The following TMEM131L variants were observed in gnomAD, a reference collection of about 807,000 sequenced individuals.
TMEM131L encodes the protein transmembrane protein 131-like.
Under a neutral mutation model 192.2 loss-of-function variants are expected in TMEM131L, and 54 were observed. That is an observed-to-expected ratio of 0.28 (90% CI 0.23 to 0.35). The LOEUF (loss-of-function observed/expected upper bound fraction) is 0.35. TMEM131L is among the 10% of genes least tolerant of loss of function. The pLI is 1.00. For missense variants in TMEM131L, 1,888 were observed against 1,972.9 expected (o/e 0.96, Z 0.82); for synonymous variants, 701 against 704.9 (o/e 0.99, Z 0.09).
intron 20 of TMEM131L, 132 bp from the exon 21 acceptor site, chr4:153,598,458 A>T: frequency 2.5e-6 from 2 of 814,772 alleles, no homozygotes; most frequent in Non-Finnish European, 3.8e-6. Context: ...ACACTATTTA[A>T]ATTGATTTTC....
intron 30 of TMEM131L, among the ~76,000 whole-genome samples, chr4:153,626,752 G>A (rs1203682974): frequency 2.0e-5 from 3 of 152,190 alleles, no homozygotes; most frequent in East Asian, 1.9e-4. Context: ...GTAACAGAGC[G>A]AGATCCTGTC....
At chr4:153,490,238 A>T (rs1297081803) in intron 3 of TMEM131L, among the ~76,000 whole-genome samples, 1 of 152,210 alleles carries the variant, frequency 6.6e-6, no homozygotes, top group Non-Finnish European at 1.5e-5. Context: ...TGTTAGTTTG[A>T]CTTTCAGGTA....
chr4:153,610,517 T>A (rs1732538864), intron 25 of TMEM131L, among the ~76,000 whole-genome samples: 1 of 152,230 alleles, frequency 6.6e-6, no homozygotes, highest in South Asian at 2.1e-4. Context: ...ACCTAATATG[T>A]CCTGGTTGTA....
chr4:153,511,671 A>G (rs1270184716), intron 3 of TMEM131L, among the ~76,000 whole-genome samples: 1 of 152,162 alleles, frequency 6.6e-6, no homozygotes, highest in Non-Finnish European at 1.5e-5. Flanking sequence ...TTCCATCTAT[A>G]TATGTATATG....
intron 9 of TMEM131L, 128 bp from the exon 10 acceptor site, chr4:153,583,060 CAA>C (rs2150753456): frequency 1.7e-6 from 1 of 576,620 alleles, no homozygotes; most frequent in East Asian, 3.2e-5. Context: ...TTTTGAGAAA[CAA>C]GTTAACATTT....
At chr4:153,528,779 T>C (rs1364796362) in intron 3 of TMEM131L, among the ~76,000 whole-genome samples, 2 of 152,138 alleles carry the variant, frequency 1.3e-5, no homozygotes, top group Admixed American at 1.3e-4. Flanking sequence ...AGGGATTTGG[T>C]TGGGGGTGGG....
intron 3 of TMEM131L, among the ~76,000 whole-genome samples, chr4:153,517,706 A>G (rs567780981): frequency 6.6e-6 from 1 of 152,346 alleles, no homozygotes; most frequent in South Asian, 2.1e-4. Context: ...AGTGAAAGAA[A>G]GACTCTTGGA....
intron 3 of TMEM131L, among the ~76,000 whole-genome samples, chr4:153,521,849 A>G (rs918058495): frequency 2.3e-5 from 3 of 130,350 alleles, no homozygotes; most frequent in African/African-American, 8.8e-5. Context: ...ATGTTGTTGC[A>G]TGTGTTTTCT....
At chr4:153,500,221 C>T (rs1733499169) in intron 3 of TMEM131L, among the ~76,000 whole-genome samples, 1 of 152,132 alleles carries the variant, frequency 6.6e-6, no homozygotes. Context: ...CTGCCTCAGC[C>T]TCCCATATAG....
intron 3 of TMEM131L, among the ~76,000 whole-genome samples, chr4:153,529,646 A>G (rs1331715684): frequency 1.3e-5 from 2 of 152,198 alleles, no homozygotes; most frequent in African/African-American, 2.4e-5. Context: ...ACAAGGGAAA[A>G]TAAATTTTAA....
rs763601600 is a variant in TMEM131L at position 153,556,957 on chromosome 4, T to A, written c.433-9T>A. On this transcript the variant is annotated splice_polypyrimidine_tract_variant and intron_variant, in intron 5 of 34. Coordinates refer to ENST00000409959, the MANE Select transcript of TMEM131L (RefSeq NM_001131007.2). ...ATTCCAAGTGGCTGACTGGGGACCT[T>A]TCTTTCAGGTAATTCCAGCAATGGG... is the stretch of plus-strand genomic sequence containing the variant. The A allele has an allele frequency of 2.1e-6, 3 of 1,421,212 alleles. No individual in the cohort carries two copies. Among genetic ancestry groups the A allele is most frequent in the Non-Finnish European group, 3.0e-6 (3 of 1,011,756 alleles). 88.0% of individuals were successfully genotyped at this position (1,421,212 alleles called of 1,614,324 possible). A position where few individuals can be genotyped will look rare whatever the true frequency, so the allele number is the denominator to read the frequency against.
chr4:153,488,845 C>T (rs938139409), intron 3 of TMEM131L, among the ~76,000 whole-genome samples: 2 of 152,170 alleles, frequency 1.3e-5, no homozygotes, highest in South Asian at 2.1e-4. Context: ...CTAGCTTCTG[C>T]GGGCTCGCCG....
chr4:153,606,004 C>T (rs903873369), intron 25 of TMEM131L, among the ~76,000 whole-genome samples: 2 of 152,186 alleles, frequency 1.3e-5, no homozygotes, highest in African/African-American at 4.8e-5. Flanking sequence ...CTTATGTCTG[C>T]AGGGTGGACA....
At chr4:153,491,972 T>C (rs1732819555) in intron 3 of TMEM131L, among the ~76,000 whole-genome samples, 2 of 152,118 alleles carry the variant, frequency 1.3e-5, no homozygotes, top group Admixed American at 6.5e-5. Context: ...AGTGTTGGGA[T>C]TGTAGGCAGG....
chr4:153,551,266 C>T (rs935279667), intron 4 of TMEM131L, among the ~76,000 whole-genome samples: 7 of 152,136 alleles, frequency 4.6e-5, no homozygotes, highest in African/African-American at 1.7e-4. Flanking sequence ...AGGGTGGGCT[C>T]CTGGTGTGCC....
chr4:153,494,069 CTG>C (rs1732987912), intron 3 of TMEM131L, among the ~76,000 whole-genome samples: 1 of 151,936 alleles, frequency 6.6e-6, no homozygotes, highest in African/African-American at 2.4e-5. Context: ...AATCCTATCT[CTG>C]TGGCTTTCCA....
rs1417187716 is a variant in TMEM131L, at chr4:153,602,177, A to G, written c.2292A>G (p.Leu764=). The G allele has an allele frequency of 6.2e-7, 1 of 1,600,172 alleles. No homozygotes were observed. Among genetic ancestry groups the G allele is most frequent in the African/African-American group, 1.3e-5 (1 of 74,280 alleles). ...RRQLKDSKQI[L]SITKNFKVEN... is the part of the protein sequence containing the mutation. Reference sequence around the variant, plus strand: ...AACTGAAAGACAGTAAGCAAATTTTATCTATTACAAAGAACTTTAAAGTTG... The same window carrying G: ...AACTGAAAGACAGTAAGCAAATTTTGTCTATTACAAAGAACTTTAAAGTTG... The change falls in exon 22 of 35, where the codon TTA becomes TTG. Residue 764 remains leucine, a synonymous_variant. Transcript: ENST00000409959.
intron 33 of TMEM131L, 67 bp from the exon 34 acceptor site, chr4:153,635,365 C>A: frequency 6.6e-7 from 1 of 1,509,090 alleles, no homozygotes; most frequent in Non-Finnish European, 9.1e-7. Context: ...GCTTTTTTGC[C>A]TGAGAGTGAG....
chr4:153,524,234 A>G (rs1416721866), intron 3 of TMEM131L, among the ~76,000 whole-genome samples: 4 of 146,850 alleles, frequency 2.7e-5, no homozygotes, highest in Non-Finnish European at 5.9e-5. Context: ...CATTCTCAGG[A>G]GTTCCCTTCC....
Sources: gnomAD v4.1 joint callset for allele counts (sites outside exome capture counted in the v4.1 genomes callset) on GRCh38, gnomAD v4.1.1 for gene constraint, MANE v1.5 for transcripts, NCBI Gene and HGNC (gene_info 2026-07-23, HGNC 2026-07-21) for gene names.